NBEAL1: variants seen among roughly 807,000 people sequenced by gnomAD.
NBEAL1 encodes neurobeachin like 1, also known as neurobeachin-like protein 1.
A neutral mutation model predicts 351.3 loss-of-function variants in NBEAL1; 273 were observed. The observed-to-expected ratio is 0.78, with a 90% CI of 0.70 to 0.86. The LOEUF is 0.86. Ranked by LOEUF, NBEAL1 falls within the 40% of genes least tolerant of loss-of-function variation. The pLI, the probability that NBEAL1 is intolerant of heterozygous loss-of-function variation, is 0.00. For synonymous variants in NBEAL1, 1,050 were observed against 1,086.4 expected (o/e 0.97, Z 0.66); for missense variants, 2,961 against 3,201.3 (o/e 0.92, Z 1.81).
chr2:203,045,010 T>A (rs997294165), intron 3 of NBEAL1, among the ~76,000 whole-genome samples: 12 of 152,164 alleles, frequency 7.9e-5, no homozygotes, highest in African/African-American at 2.9e-4. Context: ...GGGAAAATGC[T>A]TCCAAGTCCT....
chr2:203,179,933 CT>C (rs2064650971), intron 42 of NBEAL1, among the ~76,000 whole-genome samples: 1 of 152,106 alleles, frequency 6.6e-6, no homozygotes, highest in Non-Finnish European at 1.5e-5. Flanking sequence ...GCCACCACGC[CT>C]GGCTAATTTT....
chr2:203,084,906 T>C (rs1009101973), intron 10 of NBEAL1: 16 of 168,300 alleles, frequency 9.5e-5, no homozygotes, highest in Admixed American at 7.0e-4. Flanking sequence ...TATACTAAGA[T>C]GAGTCTTTGA....
intron 44 of NBEAL1, among the ~76,000 whole-genome samples, chr2:203,185,394 G>A (rs1011757826): frequency 1.1e-4 from 17 of 152,174 alleles, no homozygotes; most frequent in Non-Finnish European, 1.0e-4. Flanking sequence ...GCCATTTTAA[G>A]GGAGAGATAG....
At chr2:203,050,733 T>G (rs935435809) in intron 4 of NBEAL1, among the ~76,000 whole-genome samples, 3 of 152,218 alleles carry the variant, frequency 2.0e-5, no homozygotes, top group African/African-American at 7.2e-5. Context: ...AATATAGAGC[T>G]TGAGCCTTGC....
intron 2 of NBEAL1, among the ~76,000 whole-genome samples, chr2:203,020,111 G>A (rs543085537): frequency 6.6e-6 from 1 of 152,100 alleles, no homozygotes; most frequent in African/African-American, 2.4e-5. Flanking sequence ...ATCAAATCAG[G>A]CTAATTAACA....
rs1575028867 is a variant in NBEAL1 at position 203,138,743 on chromosome 2, T to A, written c.4843T>A (p.Leu1615Met). 1 of 1,610,506 alleles carries A rather than the reference T, an allele frequency of 6.2e-7. No homozygotes were observed. Among genetic ancestry groups the A allele is most frequent in the Non-Finnish European group, 8.5e-7 (1 of 1,179,058 alleles). Reference sequence around the variant, plus strand: ...TCTAGGATTCATTGGAAGGGGTAATTTGCAGGTTTGTCCATTCTTTTATAT... The same window carrying A: ...TCTAGGATTCATTGGAAGGGGTAATATGCAGGTTTGTCCATTCTTTTATAT... ...LLLGFIGRGNLQVCAMASAKL... is the reference protein window; with the variant it reads ...LLLGFIGRGNMQVCAMASAKL... The change falls in exon 31 of 56, where the codon TTG becomes ATG. Residue 1615 changes from leucine to methionine, a missense_variant. Coordinates refer to ENST00000683969, the MANE Select transcript of NBEAL1 (RefSeq NM_001378026.1).
At chr2:203,079,842 A>C (rs568518099) in intron 8 of NBEAL1, among the ~76,000 whole-genome samples, 8 of 152,252 alleles carry the variant, frequency 5.3e-5, no homozygotes, top group African/African-American at 1.7e-4. Flanking sequence ...TAATGCTTAG[A>C]TATTTATTTG....
intron 7 of NBEAL1, among the ~76,000 whole-genome samples, chr2:203,073,800 A>G (rs1363862188): frequency 1.3e-5 from 2 of 152,058 alleles, no homozygotes; most frequent in African/African-American, 2.4e-5. Context: ...AGCTTCTTAG[A>G]GTGAAAGGTC....
intron 37 of NBEAL1, 99 bp downstream of exon 37, chr2:203,166,396 CAT>C: frequency 8.9e-7 from 1 of 1,119,284 alleles, no homozygotes; most frequent in East Asian, 2.8e-5. Flanking sequence ...ATATAACTAT[CAT>C]GTGAAGGGAG....
chr2:203,172,903 T>C (rs2064369586), intron 41 of NBEAL1, 50 bp downstream of exon 41: 1 of 1,518,828 alleles, frequency 6.6e-7, no homozygotes, highest in Admixed American at 2.2e-5. Context: ...TCTTTGAATT[T>C]GTATTGATTT....
At chr2:203,082,294 A>T (rs2061887779) in intron 8 of NBEAL1, among the ~76,000 whole-genome samples, 1 of 152,248 alleles carries the variant, frequency 6.6e-6, no homozygotes, top group Admixed American at 6.5e-5. Flanking sequence ...TCAGGAAAAC[A>T]TCAGTTTCTC....
intron 27 of NBEAL1, 21 bp from the exon 28 acceptor site, chr2:203,135,656 G>T: frequency 7.0e-7 from 1 of 1,433,502 alleles, no homozygotes; most frequent in Non-Finnish European, 9.2e-7. Flanking sequence ...GAAGAATTTT[G>T]TATTCTAAAT....
intron 46 of NBEAL1, among the ~76,000 whole-genome samples, chr2:203,193,263 C>T (rs1434307251): frequency 1.3e-5 from 2 of 152,016 alleles, no homozygotes; most frequent in African/African-American, 2.4e-5. Flanking sequence ...TGAGCCAGCA[C>T]GCCCAGCCAG....
chr2:203,111,979 C>A lies in NBEAL1; in HGVS notation c.2083C>A (p.His695Asn). ...TTAAATGTGTGTTTCACTTTACCAG[C>A]ACAACATAACTGTTGTCCACATGCC... ...PDHSFCDSLW[H>N]NITVVHMPGK... is the part of the protein sequence containing the mutation. Residue 695 changes from histidine to asparagine, a missense_variant and splice_region_variant, in exon 16 of 56, where the codon CAC (histidine) becomes AAC (asparagine). By Grantham distance (68) the His-to-Asn change is moderately conservative. Transcript: ENST00000683969. 1 of 1,547,264 alleles carries A rather than the reference C, an allele frequency of 6.5e-7. No individual in the cohort carries two copies. Among genetic ancestry groups the A allele is most frequent in the Non-Finnish European group, 8.7e-7 (1 of 1,146,084 alleles).
rs2065988789 is a variant in NBEAL1 at position 203,224,544 on chromosome 2, G to A, written c.*7190G>A. Among the ~76,000 whole-genome samples, 1 of 152,162 alleles carries A rather than the reference G, an allele frequency of 6.6e-6. No homozygotes were observed. The highest frequency in any genetic ancestry group is 1.5e-5 in the Non-Finnish European group (1 of 67,986). The stretch of plus-strand genomic sequence containing the variant: ...ATAGCATTTCAGTGTTATAGAGAGT[G>A]ACAGTGACTTGAATGCATGTATATG... On this transcript the variant is annotated 3_prime_UTR_variant, in exon 56 of 56. Coordinates refer to ENST00000683969, the MANE Select transcript of NBEAL1 (RefSeq NM_001378026.1).
chr2:203,083,775 A>G (rs2061914426), intron 9 of NBEAL1, among the ~76,000 whole-genome samples: 2 of 152,212 alleles, frequency 1.3e-5, no homozygotes, highest in African/African-American at 4.8e-5. Context: ...AAAAGCATCA[A>G]TGTGAAAAAG....
rs1244600115 is a variant in NBEAL1 at position 203,221,622 on chromosome 2, C to G, written c.*4268C>G. ...GCATTGTTCCTCTCATCAGCTGAAA[C>G]TGTTTCTCCCCAATAAGTGAGCAAT... On this transcript the variant is annotated 3_prime_UTR_variant, in exon 56 of 56. Transcript: ENST00000683969. Among the ~76,000 whole-genome samples the G allele has an allele frequency of 3.3e-5, 5 of 152,206 alleles. No homozygotes were observed. Among genetic ancestry groups the G allele is most frequent in the African/African-American group, 1.2e-4 (5 of 41,456 alleles).
At chr2:203,207,603 G>A (rs904865205) in intron 51 of NBEAL1, among the ~76,000 whole-genome samples, 8 of 152,202 alleles carry the variant, frequency 5.3e-5, no homozygotes, top group African/African-American at 1.9e-4. Flanking sequence ...CTGTTGATCT[G>A]TGACCTTACC....
At chr2:203,114,963 GCTGGT>G (rs1417054766) in intron 17 of NBEAL1, among the ~76,000 whole-genome samples, 2 of 151,980 alleles carry the variant, frequency 1.3e-5, no homozygotes, top group Non-Finnish European at 2.9e-5. Context: ...TGTTCGCTAG[GCTGGT>G]CTTGAACTCC....
Sources: allele counts gnomAD v4.1 joint callset (sites outside exome capture counted in the v4.1 genomes callset), GRCh38; gene constraint gnomAD v4.1.1; transcripts MANE v1.5; gene names NCBI Gene and HGNC (gene_info 2026-07-23, HGNC 2026-07-21).